The following FGR variants were observed in gnomAD, a reference collection of about 807,000 sequenced individuals.
The protein encoded by FGR is FGR proto-oncogene, Src family tyrosine kinase.
A neutral mutation model predicts 63.2 loss-of-function variants in FGR; 26 were observed. The observed-to-expected ratio is 0.41, with a 90% confidence interval of 0.30 to 0.57. FGR has a LOEUF of 0.57. Ranked by LOEUF, FGR falls within the 20% of genes least tolerant of loss-of-function variation. The pLI is 0.27. For synonymous variants in FGR, 286 were observed against 277.7 expected (o/e 1.03, Z -0.30); for missense variants, 511 against 690.8 (o/e 0.74, Z 2.92).
intron 1 of FGR, among the ~76,000 whole-genome samples, chr1:27,629,935 A>T (rs576627808): frequency 1.6e-4 from 25 of 152,366 alleles, no homozygotes; most frequent in African/African-American, 5.8e-4. Flanking sequence ...CTGTAATCCT[A>T]GTAGAAGCAA....
intron 5 of FGR, among the ~76,000 whole-genome samples, chr1:27,618,538 A>G (rs1460194465): frequency 6.6e-6 from 1 of 152,096 alleles, no homozygotes; most frequent in Admixed American, 6.6e-5. Context: ...GCTTGGTGAC[A>G]CTGGCTCCAA....
intron 12 of FGR, 23 bp downstream of exon 12, chr1:27,613,196 G>C: frequency 3.1e-6 from 5 of 1,611,728 alleles, no homozygotes; most frequent in Non-Finnish European, 4.2e-6. Context: ...CCCCACCCCA[G>C]CCCTACCCCT....
chr1:27,618,667 G>C (rs951377468), intron 5 of FGR, among the ~76,000 whole-genome samples: 2 of 152,038 alleles, frequency 1.3e-5, no homozygotes, highest in African/African-American at 4.8e-5. Context: ...CTTGACCTCT[G>C]AACCTCGCCT....
chr1:27,628,516 T>TAC (rs56021900), intron 1 of FGR, among the ~76,000 whole-genome samples: 7,678 of 91,158 alleles, frequency 0.084, 418 homozygotes, highest in East Asian at 0.35. Context: ...CATGTAGGGA[T>TAC]ACACACACAC....
At chr1:27,634,226 C>T (rs748333655) in intron 1 of FGR, among the ~76,000 whole-genome samples, 1 of 152,202 alleles carries the variant, frequency 6.6e-6, no homozygotes, top group South Asian at 2.1e-4. Context: ...TGCGGGCACT[C>T]GCGGTCAAAG....
chr1:27,623,425 G>C, intron 3 of FGR: 1 of 596,824 alleles, frequency 1.7e-6, no homozygotes, highest in Non-Finnish European at 3.0e-6. Flanking sequence ...GCACCTAAAA[G>C]GGCAAGAAGT....
In FGR at chr1:27,615,341, T is replaced by C; in HGVS notation, c.1018+93A>G. ...TAGTGGGACTCTGCCCATTGTCCCT[T>C]GTCCCTCACAGATCGCGTCCCAGGT... is the stretch of plus-strand genomic sequence containing the variant. On this transcript the variant is annotated intron_variant, in intron 9 of 12. Transcript: ENST00000374005. This position sits in a 1 kb window ranked among gnomAD's most constrained non-coding sequence, Gnocchi z 7.6. 1.4e-6 allele frequency: 2 copies of C among 1,395,258 alleles called. No individual in the cohort carries two copies. The highest frequency in any genetic ancestry group is 1.8e-4 in the Middle Eastern group (1 of 5,420). The allele number at this position is 1,395,258 out of a possible 1,614,324, so 86.4% of individuals were successfully genotyped here.
At chr1:27,625,893 C>A (rs189710555) in intron 1 of FGR, among the ~76,000 whole-genome samples, 2 of 152,256 alleles carry the variant, frequency 1.3e-5, no homozygotes, top group Admixed American at 6.5e-5. Flanking sequence ...GAGCCGAGAT[C>A]GCACCACTGC....
chr1:27,632,369 C>A (rs978750937), intron 1 of FGR, among the ~76,000 whole-genome samples: 1 of 152,044 alleles, frequency 6.6e-6, no homozygotes, highest in Non-Finnish European at 1.5e-5. Context: ...AACTTCTGAC[C>A]TCAGGTGATC....
Position 27,613,066 on chromosome 1 carries a change from G to T in FGR, c.1438C>A (p.Pro480Thr). 1 of 1,614,232 alleles carries T rather than the reference G, an allele frequency of 6.2e-7. No individual in the cohort carries two copies. Among genetic ancestry groups the T allele is most frequent in the Non-Finnish European group, 8.5e-7 (1 of 1,180,034 alleles). ...TACAGGGATGCTGGGCAGCCTGGAG[G>T]GCACGGCATGTGGTAGCCCTGCTCC... ...QVEQGYHMPC[P>T]PGCPASLYEA... Residue 480 changes from proline to threonine, a missense_variant, in exon 13 of 13, where the codon CCT becomes ACT. Transcript: ENST00000374005.
At chr1:27,619,393 A>G (rs1441768579) in intron 5 of FGR, among the ~76,000 whole-genome samples, 2 of 152,010 alleles carry the variant, frequency 1.3e-5, no homozygotes, top group East Asian at 3.9e-4. Context: ...GTTTCACCAC[A>G]TTGGCCAGGC....
chr1:27,630,139 G>A (rs532243302), intron 1 of FGR, among the ~76,000 whole-genome samples: 26 of 152,206 alleles, frequency 1.7e-4, no homozygotes, highest in African/African-American at 4.8e-4. Flanking sequence ...TGCAACCTCC[G>A]CCTCCTGGGT....
rs1212463885 is a variant in FGR, at chr1:27,613,319, T to C, written c.1281A>G (p.Pro427=). 2 of 1,614,066 alleles carry C rather than the reference T, an allele frequency of 1.2e-6. No homozygotes were observed. Among genetic ancestry groups the C allele is most frequent in the South Asian group, 2.2e-5 (2 of 91,078 alleles). Residue 427 remains proline, a synonymous_variant, in exon 12 of 13, where the codon CCA becomes CCG. Transcript: ENST00000374005. The part of the protein sequence containing the change: ...GSKFPIKWTA[P]EAALFGRFTI... ...TGAATCTGCCAAAGAGGGCAGCTTC[T>C]GGGGCTGTCCACTTGATGGGGAACT...
chr1:27,634,826 C>T (rs57091366), intron 1 of FGR, among the ~76,000 whole-genome samples: 3,701 of 152,150 alleles, frequency 0.024, 138 homozygotes, highest in African/African-American at 0.084. Context: ...CTTTGGTCGG[C>T]TTCCCCCGTG....
chr1:27,632,134 CTTCTTCTTT>C lies in FGR; in HGVS notation c.-77+2922_-77+2930del, dbSNP rs1356780986. Reference sequence around the variant, plus strand: ...TTCTTTCTTTGTTCTTCTTCTTCTTCTTCTTCTTTTTTTTTTTTTTGAAACAGTGTCTCA... The same window carrying C: ...TTCTTTCTTTGTTCTTCTTCTTCTTCTTTTTTTTTTTGAAACAGTGTCTCA... On this transcript the variant is annotated intron_variant, in intron 1 of 12. Transcript: ENST00000374005. 1.2e-4 allele frequency among the ~76,000 whole-genome samples: 17 copies of C among 147,822 alleles called. No individual in the cohort carries two copies. The East Asian group carries it at 3.1e-3, about 27-fold the overall frequency.
chr1:27,622,997 C>G, intron 4 of FGR, 45 bp downstream of exon 4: 1 of 1,398,066 alleles, frequency 7.2e-7, no homozygotes, highest in South Asian at 1.2e-5. Flanking sequence ...CTGTGTCCTG[C>G]TCCCAGCCCA....
At chr1:27,613,861 C>T (rs1381646516) in intron 11 of FGR, among the ~76,000 whole-genome samples, 1 of 152,116 alleles carries the variant, frequency 6.6e-6, no homozygotes, top group African/African-American at 2.4e-5. Context: ...TTCCAAAAAT[C>T]GCAATAATTC....
Position 27,613,102 on chromosome 1 carries a change from A to G in FGR, c.1402T>C (p.Leu468=). ...TGGTAGCCCTGCTCCACCTGTTCCA[A>G]CACTTCCCGTTTATTCATGCCTGAA... The part of the protein sequence containing the change: ...PYPGMNKREV[L]EQVEQGYHMP... The change falls in exon 13 of 13, where the codon TTG becomes CTG. Residue 468 remains leucine, a synonymous_variant. Coordinates refer to ENST00000374005, the MANE Select transcript of FGR (RefSeq NM_005248.3). 1 of 1,614,116 alleles carries G rather than the reference A, an allele frequency of 6.2e-7. No individual in the cohort carries two copies.
At chr1:27,624,125 C>A in intron 2 of FGR, 196 bp from the exon 3 acceptor site, 1 of 528,794 alleles carries the variant, frequency 1.9e-6, no homozygotes, top group Non-Finnish European at 3.3e-6. Flanking sequence ...CACAGTATGT[C>A]CCCCCTCAGT....
Sources: gnomAD v4.1 joint callset for allele counts (sites outside exome capture counted in the v4.1 genomes callset) on GRCh38, gnomAD v4.1.1 for gene constraint, Gnocchi (gnomAD v3.1) non-coding constraint, MANE v1.5 for transcripts, NCBI Gene and HGNC (gene_info 2026-07-23, HGNC 2026-07-21) for gene names.